Variants in ACSL6 observed in about 807,000 individuals in gnomAD.
ACSL6 encodes long-chain-fatty-acid--CoA ligase 6.
ACSL6 carries 47 observed loss-of-function variants against 98.2 expected under a neutral mutation model. The ratio of observed to expected loss-of-function variants is 0.48; its 90% CI spans 0.38 to 0.61. The LOEUF (loss-of-function observed/expected upper bound fraction) is 0.61. Among genes scored for constraint, ACSL6 ranks in the 20% least tolerant of loss-of-function variants. The pLI is 0.00. For synonymous variants in ACSL6, 362 were observed against 336.9 expected, an observed-to-expected ratio of 1.07 and a Z score of -0.82; for missense variants, 761 against 913.4, an observed-to-expected ratio of 0.83 and a Z score of 2.15.
chr5:131,989,053 C>T, intron 5 of ACSL6, 149 bp from the exon 6 acceptor site: 2 of 697,800 alleles, frequency 2.9e-6, no homozygotes, highest in East Asian at 2.7e-5. Flanking sequence ...TGCTCACCCA[C>T]AGCCTTCTGG....
At chr5:131,973,497 C>T (rs990077322) in intron 11 of ACSL6, 97 bp from the exon 12 acceptor site, 2 of 1,331,282 alleles carry the variant, frequency 1.5e-6, no homozygotes, top group African/African-American at 2.9e-5. Context: ...TGGAGGGCAC[C>T]CATGACCCCC....
rs907891719 is a variant in ACSL6, at chr5:131,989,328, C to A, written c.552+79G>T. The A allele has an allele frequency of 4.5e-6, 6 of 1,342,882 alleles. 1 individual carries two copies. In the African/African-American group the frequency reaches 8.7e-5, roughly 20 times the overall value. 83.2% of individuals were successfully genotyped at this position (1,342,882 alleles called of 1,614,324 possible). A position where few individuals can be genotyped will look rare whatever the true frequency, so the allele number is the denominator to read the frequency against. On this transcript the variant is annotated intron_variant, in intron 5 of 20. Transcript: ENST00000651883. ...TTTCTTTTGTCCTGGGCCCTACAAA[C>A]AGTGAAAGCAGGACTATTCCATGGC... is the stretch of plus-strand genomic sequence containing the variant.
chr5:131,962,856 C>A (rs985527533), intron 17 of ACSL6, among the ~76,000 whole-genome samples, 178 bp from the exon 18 acceptor site: 1 of 152,020 alleles, frequency 6.6e-6, no homozygotes, highest in Non-Finnish European at 1.5e-5. Context: ...CCACTGTACA[C>A]CGCAGGTTGA....
chr5:131,959,120 G>A (rs963636630), intron 20 of ACSL6, among the ~76,000 whole-genome samples: 5 of 152,050 alleles, frequency 3.3e-5, no homozygotes, highest in African/African-American at 1.2e-4. Context: ...TGGGCTGACA[G>A]ATCACTGGCC....
intron 18 of ACSL6, among the ~76,000 whole-genome samples, chr5:131,961,149 C>G (rs1036952231): frequency 6.6e-6 from 1 of 152,006 alleles, no homozygotes; most frequent in African/African-American, 2.4e-5. Flanking sequence ...CTCAACCTCC[C>G]GAGTAGCTGG....
At chr5:131,964,471 G>A (rs1221317412) in intron 17 of ACSL6, among the ~76,000 whole-genome samples, 1 of 152,210 alleles carries the variant, frequency 6.6e-6, no homozygotes, top group African/African-American at 2.4e-5. Context: ...TTTAGGCCCT[G>A]TGCTCAAGCA....
Position 131,988,785 on chromosome 5 carries a change from TG to T in ACSL6, c.652+19del. 1 of 1,586,778 alleles carries T rather than the reference TG, an allele frequency of 6.3e-7. No homozygotes were observed. Among genetic ancestry groups the T allele is most frequent in the Non-Finnish European group, 8.6e-7 (1 of 1,166,558 alleles). ...TGGGGACCAGTTGCCAGTGGCAGGG[TG>T]GGGTGGCAGTGGGCTTACCTGTATT... On this transcript the variant is annotated intron_variant, in intron 6 of 20. Transcript: ENST00000651883.
At chr5:132,012,019 T>G, upstream of ACSL6, 1 of 1,375,570 alleles carries the variant, frequency 7.3e-7, no homozygotes, top group Non-Finnish European at 9.7e-7. Flanking sequence ...CACGCGACCC[T>G]GCCCCCGCGC....
At chr5:131,981,486 G>A (rs1753893960) in intron 9 of ACSL6, among the ~76,000 whole-genome samples, 1 of 152,018 alleles carries the variant, frequency 6.6e-6, no homozygotes, top group Non-Finnish European at 1.5e-5. Flanking sequence ...CATCCCAGAG[G>A]CTCCCTTATC....
chr5:132,011,646 C>T lies in ACSL6; in HGVS notation c.-93G>A, dbSNP rs921674811. The T allele has an allele frequency of 1.2e-5, 15 of 1,259,978 alleles. No homozygotes were observed. In the East Asian group the frequency reaches 1.6e-4, roughly 14 times the overall value. The allele number at this position is 1,259,978 out of a possible 1,614,324, so 78.0% of individuals were successfully genotyped here. A position where few individuals can be genotyped will look rare whatever the true frequency, so the allele number is the denominator to read the frequency against. On this transcript the variant is annotated 5_prime_UTR_variant, in exon 1 of 21. Transcript: ENST00000651883. The surrounding 1 kb of genome is among the most constrained non-coding windows in gnomAD (Gnocchi z 5.4). ...CCAGCAGCCCCAGCAGTAGCCGCGC[C>T]GCCGCCGCCGCTGCCGGGTATTTTT...
At chr5:131,988,443 G>T in intron 6 of ACSL6, 1 of 1,430,652 alleles carries the variant, frequency 7.0e-7, no homozygotes, top group Non-Finnish European at 9.6e-7. Flanking sequence ...TCCTCAAGCA[G>T]AGTCCAAGCT....
chr5:131,962,535 C>T lies in ACSL6; in HGVS notation c.1857G>A (p.Lys619=). 6.2e-7 allele frequency: 1 copy of T among 1,613,864 alleles called. No individual in the cohort carries two copies. Among genetic ancestry groups the T allele is most frequent in the Non-Finnish European group, 8.5e-7 (1 of 1,179,836 alleles). The change falls in exon 18 of 21, where the codon AAG becomes AAA. Residue 619 remains lysine (K), a splice_region_variant and synonymous_variant. Transcript: ENST00000651883. ...GAGGGCTGAAGCCTAGAGGCCTCAC[C>T]TTTAAGCTGTCCCCATGGACATAGA... The part of the protein sequence containing the change: ...AQIYVHGDSL[K]AFLVGIVVPD...
At chr5:131,976,586 A>C in intron 10 of ACSL6, 62 bp downstream of exon 10, 1 of 1,378,386 alleles carries the variant, frequency 7.3e-7, no homozygotes, top group South Asian at 1.3e-5. Flanking sequence ...ATAAAAAAAA[A>C]TCCTCTGAGG....
intron 1 of ACSL6, among the ~76,000 whole-genome samples, chr5:132,005,219 A>G (rs1755337288): frequency 6.6e-6 from 1 of 152,336 alleles, no homozygotes; most frequent in African/African-American, 2.4e-5. Context: ...CATCCAGCCC[A>G]TCTGCTGGAA....
chr5:131,968,452 A>G (rs1753136020), intron 15 of ACSL6, among the ~76,000 whole-genome samples: 1 of 152,200 alleles, frequency 6.6e-6, no homozygotes, highest in Admixed American at 6.5e-5. Context: ...TCTAGCCACC[A>G]GACTGTTGAT....
chr5:131,987,510 G>A (rs149459597), intron 7 of ACSL6, among the ~76,000 whole-genome samples: 1 of 152,146 alleles, frequency 6.6e-6, no homozygotes, highest in African/African-American at 2.4e-5. Flanking sequence ...AGGGCATAGT[G>A]GGGGGTCAGC....
Position 131,990,155 on chromosome 5 carries a change from G to T in ACSL6, c.395C>A (p.Pro132His). The T allele has an allele frequency of 6.2e-7, 1 of 1,614,006 alleles. No homozygotes were observed. The highest frequency in any genetic ancestry group is 8.5e-7 in the Non-Finnish European group (1 of 1,179,958). ...CTTAGGCTTCCTGAAACCAAGACAGGGCCCATTCCCTGTAGAGAGATAAGA... is the reference window on the plus strand; with the variant it reads ...CTTAGGCTTCCTGAAACCAAGACAGTGCCCATTCCCTGTAGAGAGATAAGA... ...RRGLSISGNG[P>H]CLGFRKPKQP... is the part of the protein sequence containing the mutation. The change falls in exon 4 of 21, where the codon CCC (proline) becomes CAC (histidine). Residue 132 changes from proline (P) to histidine (H), a missense_variant. Physicochemically the swap from Pro to His is moderately conservative, Grantham distance 77. Transcript: ENST00000651883.
At chr5:131,993,861 G>C in intron 2 of ACSL6, 170 bp downstream of exon 2, 1 of 658,630 alleles carries the variant, frequency 1.5e-6, no homozygotes, top group South Asian at 1.9e-5. Context: ...AGGAGTGCCT[G>C]GTAGGAGACC....
At chr5:131,961,896 G>C (rs1752729168) in intron 18 of ACSL6, among the ~76,000 whole-genome samples, 1 of 152,040 alleles carries the variant, frequency 6.6e-6, no homozygotes, top group Non-Finnish European at 1.5e-5. Context: ...AAACAGGCCA[G>C]GTGTGATGGC....
Sources: gnomAD v4.1 joint callset for allele counts (sites outside exome capture counted in the v4.1 genomes callset) on GRCh38, gnomAD v4.1.1 for gene constraint, Gnocchi (gnomAD v3.1) non-coding constraint, MANE v1.5 for transcripts, NCBI Gene and HGNC (gene_info 2026-07-23, HGNC 2026-07-21) for gene names.